Variants in VWC2L observed in about 807,000 individuals in gnomAD.
The protein encoded by VWC2L is von Willebrand factor C domain containing 2 like, also known as von Willebrand factor C domain-containing protein 2-like.
Under a neutral mutation model 21.6 loss-of-function variants are expected in VWC2L, and 10 were observed. The observed-to-expected ratio is 0.46, with a 90% CI of 0.29 to 0.78. VWC2L has a LOEUF of 0.78. Ranked by LOEUF, VWC2L falls within the 30% of genes least tolerant of loss-of-function variation. The probability of loss-of-function intolerance (pLI) is 0.10; values close to 1 mark genes in which losing one functional copy is unlikely to be tolerated. For missense variants in VWC2L, 209 were observed against 277.1 expected, an observed-to-expected ratio of 0.75 and a Z score of 1.74; for synonymous variants, 96 against 94.3, an observed-to-expected ratio of 1.02 and a Z score of -0.10.
intron 2 of VWC2L, among the ~76,000 whole-genome samples, chr2:214,423,017 G>A (rs182614245): frequency 6.6e-6 from 1 of 152,182 alleles, no homozygotes; most frequent in East Asian, 1.9e-4. Context: ...TAGTATTGAA[G>A]ATTTGAAGAT....
chr2:214,439,440 C>T (rs1019129287), intron 3 of VWC2L, among the ~76,000 whole-genome samples: 38 of 151,706 alleles, frequency 2.5e-4, no homozygotes, highest in African/African-American at 8.5e-4. Context: ...TAAAAAGCAA[C>T]AATAAGCTAA....
intron 3 of VWC2L, among the ~76,000 whole-genome samples, chr2:214,445,799 ATTT>A (rs1212889743): frequency 6.6e-6 from 1 of 151,982 alleles, no homozygotes; most frequent in East Asian, 1.9e-4. Context: ...AGATGATATA[ATTT>A]TTTCTTTTAC....
At chr2:214,559,998 A>G (rs1044181282) in intron 3 of VWC2L, among the ~76,000 whole-genome samples, 2 of 152,196 alleles carry the variant, frequency 1.3e-5, no homozygotes, top group African/African-American at 2.4e-5. Context: ...TGGCTGGTAC[A>G]TGGGGAGTAG....
At chr2:214,547,342 C>T (rs1465916176) in intron 3 of VWC2L, among the ~76,000 whole-genome samples, 1 of 152,146 alleles carries the variant, frequency 6.6e-6, no homozygotes, top group African/African-American at 2.4e-5. Context: ...GGAGAACAGC[C>T]AGTGTAGAAC....
intron 3 of VWC2L, among the ~76,000 whole-genome samples, chr2:214,522,214 A>T (rs1207197033): frequency 2.0e-5 from 3 of 151,962 alleles, no homozygotes; most frequent in African/African-American, 7.3e-5. Context: ...TCTCTACTAA[A>T]AATACAAAAA....
Position 214,436,666 on chromosome 2 carries a change from A to G in VWC2L, c.428A>G (p.Asn143Ser). 6.2e-7 allele frequency: 1 copy of G among 1,613,428 alleles called. No individual in the cohort carries two copies. Among genetic ancestry groups the G allele is most frequent in the Non-Finnish European group, 8.5e-7 (1 of 1,179,448 alleles). Residue 143 changes from asparagine (N) to serine (S), a missense_variant, in exon 3 of 4, where the codon AAT (asparagine) becomes AGT (serine). Asn to Ser is a conservative substitution (Grantham distance 46). Transcript: ENST00000312504. ...GAATGGTGTCGCTGTGAGCCCAGCAATGAAGTTCACTGTGTTGTAGCAGAC... is the reference window on the plus strand; with the variant it reads ...GAATGGTGTCGCTGTGAGCCCAGCAGTGAAGTTCACTGTGTTGTAGCAGAC... ...PCEWCRCEPS[N>S]EVHCVVADCA...
At chr2:214,517,149 T>C (rs1305444679) in intron 3 of VWC2L, among the ~76,000 whole-genome samples, 1 of 152,254 alleles carries the variant, frequency 6.6e-6, no homozygotes, top group African/African-American at 2.4e-5. Context: ...ATCTTTGCTC[T>C]CATCTTCTGT....
At chr2:214,520,355 T>C (rs1689216375) in intron 3 of VWC2L, among the ~76,000 whole-genome samples, 1 of 152,202 alleles carries the variant, frequency 6.6e-6, no homozygotes, top group Non-Finnish European at 1.5e-5. Flanking sequence ...GGGACTTTAA[T>C]GTCTGTAAAT....
At chr2:214,572,679 C>T (rs1024599739) in intron 3 of VWC2L, among the ~76,000 whole-genome samples, 6 of 152,160 alleles carry the variant, frequency 3.9e-5, no homozygotes, top group African/African-American at 1.4e-4. Context: ...TAGTGCCAAC[C>T]ATTCTGCCTG....
chr2:214,425,137 T>C (rs1432741819), intron 2 of VWC2L, among the ~76,000 whole-genome samples: 2 of 152,228 alleles, frequency 1.3e-5, no homozygotes, highest in East Asian at 1.9e-4. Flanking sequence ...TATTTACTAT[T>C]TGGCTTTCTA....
chr2:214,438,644 A>G (rs930593672), intron 3 of VWC2L, among the ~76,000 whole-genome samples: 1 of 152,106 alleles, frequency 6.6e-6, no homozygotes, highest in African/African-American at 2.4e-5. Flanking sequence ...AGCCCATAAT[A>G]TACCCAGAGT....
intron 3 of VWC2L, among the ~76,000 whole-genome samples, chr2:214,484,607 A>G (rs1348080781): frequency 6.6e-6 from 1 of 152,198 alleles, no homozygotes; most frequent in Admixed American, 6.5e-5. Flanking sequence ...TTAGAGAGAC[A>G]GGAAGTTTCT....
intron 3 of VWC2L, among the ~76,000 whole-genome samples, chr2:214,537,920 T>C (rs1182203752): frequency 7.1e-6 from 1 of 141,334 alleles, no homozygotes; most frequent in African/African-American, 2.6e-5. Context: ...TTTTTTTTGG[T>C]GGGCTTGCCA....
At chr2:214,462,208 C>T (rs954782961) in intron 3 of VWC2L, among the ~76,000 whole-genome samples, 18 of 152,152 alleles carry the variant, frequency 1.2e-4, no homozygotes, top group African/African-American at 4.3e-4. Flanking sequence ...GCAATACAAT[C>T]TCATGGACTC....
chr2:214,480,708 A>G (rs562583397), intron 3 of VWC2L, among the ~76,000 whole-genome samples: 2 of 152,088 alleles, frequency 1.3e-5, no homozygotes, highest in South Asian at 4.2e-4. Flanking sequence ...CTGCACTCCA[A>G]GCTCCAGGAA....
At chr2:214,432,213 T>C (rs1702610682) in intron 2 of VWC2L, among the ~76,000 whole-genome samples, 1 of 152,188 alleles carries the variant, frequency 6.6e-6, no homozygotes, top group African/African-American at 2.4e-5. Flanking sequence ...TAACAAATAT[T>C]TGTTGAGTAT....
chr2:214,439,763 T>G (rs1453120275), intron 3 of VWC2L, among the ~76,000 whole-genome samples: 2 of 151,814 alleles, frequency 1.3e-5, no homozygotes, highest in African/African-American at 4.8e-5. Flanking sequence ...ACACCTAACC[T>G]TATAACTCAA....
At chr2:214,548,031 C>G (rs983737353) in intron 3 of VWC2L, among the ~76,000 whole-genome samples, 4 of 152,198 alleles carry the variant, frequency 2.6e-5, no homozygotes, top group South Asian at 2.1e-4. Flanking sequence ...CTGAGTCATG[C>G]AAGCTAATGT....
At chr2:214,497,352 A>T (rs1348510978) in intron 3 of VWC2L, among the ~76,000 whole-genome samples, 5 of 152,178 alleles carry the variant, frequency 3.3e-5, no homozygotes, top group African/African-American at 1.2e-4. Flanking sequence ...CCAGTTTAAA[A>T]AAGCTTTCTG....
Sources: allele counts gnomAD v4.1 joint callset (sites outside exome capture counted in the v4.1 genomes callset), GRCh38; gene constraint gnomAD v4.1.1; transcripts MANE v1.5; gene names NCBI Gene and HGNC (gene_info 2026-07-23, HGNC 2026-07-21).